Variants in LCORL observed in about 807,000 individuals in gnomAD.
LCORL encodes the protein ligand dependent nuclear receptor corepressor like.
A neutral mutation model predicts 141.8 loss-of-function variants in LCORL; 41 were observed. That is an observed-to-expected ratio of 0.29 (90% CI 0.23 to 0.38). The LOEUF is 0.38. Among genes scored for constraint, LCORL ranks in the 10% least tolerant of loss-of-function variants. The probability of loss-of-function intolerance (pLI) is 1.00; values close to 1 mark genes in which losing one functional copy is unlikely to be tolerated. For synonymous variants in LCORL, 618 were observed against 694.1 expected (o/e 0.89, Z 1.72); for missense variants, 1,759 against 2,035.0 (o/e 0.86, Z 2.61).
chr4:18,002,027 T>G (rs1722055702), intron 1 of LCORL, among the ~76,000 whole-genome samples: 1 of 152,200 alleles, frequency 6.6e-6, no homozygotes, highest in South Asian at 2.1e-4. Context: ...TTGGTGTGGA[T>G]CTTTAATAAA....
At chr4:18,013,297 T>C (rs991850396) in intron 1 of LCORL, among the ~76,000 whole-genome samples, 1 of 152,236 alleles carries the variant, frequency 6.6e-6, no homozygotes, top group African/African-American at 2.4e-5. Flanking sequence ...CACCTACTAG[T>C]TATACTATCT....
At chr4:17,843,530 A>C (rs1722634650) in exon 8 of LCORL, 2 of 1,327,818 alleles carry the variant, frequency 1.5e-6, no homozygotes, top group Non-Finnish European at 2.1e-6. Context: ...TGTCTTTCTG[A>C]AGATTTTCTG....
intron 7 of LCORL, among the ~76,000 whole-genome samples, chr4:17,856,347 T>A (rs1724365015): frequency 6.6e-6 from 1 of 152,152 alleles, no homozygotes; most frequent in Non-Finnish European, 1.5e-5. Flanking sequence ...TCTAATCTGA[T>A]GACGCTGGTG....
chr4:17,855,520 G>A (rs1459502575), intron 7 of LCORL, among the ~76,000 whole-genome samples: 1 of 152,052 alleles, frequency 6.6e-6, no homozygotes, highest in East Asian at 1.9e-4. Flanking sequence ...ATATCAAATT[G>A]ATTGCATTAA....
chr4:17,960,659 T>C (rs1188680962), intron 4 of LCORL, among the ~76,000 whole-genome samples: 7 of 152,140 alleles, frequency 4.6e-5, no homozygotes, highest in Admixed American at 4.6e-4. Context: ...TGGGGTCTTG[T>C]TGCCCAGTCT....
chr4:17,850,279 A>C (rs1291926868), intron 7 of LCORL, among the ~76,000 whole-genome samples: 1 of 147,832 alleles, frequency 6.8e-6, no homozygotes, highest in Non-Finnish European at 1.5e-5. Flanking sequence ...AAATTGACAA[A>C]TGGGATCTAA....
chr4:17,956,246 C>T (rs764105225), intron 4 of LCORL, among the ~76,000 whole-genome samples: 49 of 151,986 alleles, frequency 3.2e-4, no homozygotes, highest in Non-Finnish European at 2.4e-4. Context: ...GAAAATAGTG[C>T]GGAGGTTTCG....
exon 7 of LCORL, chr4:17,876,539 T>G (rs1301551723): frequency 3.4e-5 from 42 of 1,230,968 alleles, no homozygotes; most frequent in Non-Finnish European, 4.0e-5. Context: ...TGTGTGAGCT[T>G]TCAATGTGAA....
intron 7 of LCORL, among the ~76,000 whole-genome samples, chr4:17,861,720 C>T (rs1577267109): frequency 6.6e-6 from 1 of 152,172 alleles, no homozygotes; most frequent in African/African-American, 2.4e-5. Context: ...AAACTAAATG[C>T]CTTTAACAGC....
Position 17,953,930 on chromosome 4 carries a change from G to A in LCORL, c.430+7973C>T, listed in dbSNP as rs554787671. Among the ~76,000 whole-genome samples the A allele has an allele frequency of 1.3e-4, 20 of 152,288 alleles. No individual in the cohort carries two copies. In the South Asian group the frequency reaches 1.9e-3, roughly 14 times the overall value. On this transcript the variant is annotated intron_variant, in intron 4 of 7. Transcript: ENST00000635767. ...TGTAATCCCAGCACTTTGGGAGGCC[G>A]AAGCGGGCAGATCACGAGGTCAGGA...
intron 4 of LCORL, among the ~76,000 whole-genome samples, chr4:17,915,635 T>C (rs1733278245): frequency 6.6e-6 from 1 of 152,136 alleles, no homozygotes; most frequent in Admixed American, 6.5e-5. Context: ...AGTAAGAACC[T>C]CTAGAAAAAT....
intron 7 of LCORL, among the ~76,000 whole-genome samples, chr4:17,871,612 G>C (rs1726340215): frequency 6.6e-6 from 1 of 151,884 alleles, no homozygotes; most frequent in Non-Finnish European, 1.5e-5. Flanking sequence ...AACTGTAACA[G>C]CATGATATGA....
chr4:17,954,433 AAGG>A (rs1485606478), intron 4 of LCORL, among the ~76,000 whole-genome samples: 16 of 152,212 alleles, frequency 1.1e-4, no homozygotes, highest in African/African-American at 3.6e-4. Flanking sequence ...AGATGTGGTC[AAGG>A]AGGAGACAGA....
At chr4:17,890,660 G>C (rs1481476128) in intron 5 of LCORL, among the ~76,000 whole-genome samples, 1 of 151,902 alleles carries the variant, frequency 6.6e-6, no homozygotes, top group Non-Finnish European at 1.5e-5. Context: ...CTGACCAAAC[G>C]CTATTGTAAA....
chr4:17,960,201 T>A (rs1713500810), intron 4 of LCORL: 1 of 154,296 alleles, frequency 6.5e-6, no homozygotes, highest in African/African-American at 2.4e-5. Context: ...AACTCTGCAA[T>A]CTTTCAAAAG....
intron 4 of LCORL, among the ~76,000 whole-genome samples, chr4:17,926,084 T>C (rs1490960184): frequency 1.3e-5 from 2 of 152,164 alleles, no homozygotes; most frequent in African/African-American, 2.4e-5. Flanking sequence ...TGTATTATGT[T>C]AGGCATAATT....
At chr4:18,010,536 G>A (rs937732984) in intron 1 of LCORL, among the ~76,000 whole-genome samples, 2 of 151,880 alleles carry the variant, frequency 1.3e-5, no homozygotes, top group Admixed American at 1.3e-4. Flanking sequence ...TGCAACCTCC[G>A]CCTCCCGGGT....
chr4:17,938,476 G>A (rs368776245), intron 4 of LCORL, among the ~76,000 whole-genome samples: 58 of 149,174 alleles, frequency 3.9e-4, no homozygotes, highest in Middle Eastern at 3.5e-3. Flanking sequence ...GAGTGCAATG[G>A]TGCGATCTCG....
At chr4:17,967,313 T>C (rs186617341) in intron 2 of LCORL, among the ~76,000 whole-genome samples, 3 of 152,294 alleles carry the variant, frequency 2.0e-5, no homozygotes, top group Admixed American at 1.3e-4. Context: ...ATATGCACTG[T>C]GTCTGATACT....
Sources: allele counts gnomAD v4.1 joint callset (sites outside exome capture counted in the v4.1 genomes callset), GRCh38; gene constraint gnomAD v4.1.1; transcripts MANE v1.5; gene names NCBI Gene and HGNC (gene_info 2026-07-23, HGNC 2026-07-21).